The following APP variants were observed in gnomAD, a reference collection of about 807,000 sequenced individuals.
APP encodes amyloid-beta precursor protein.
Under a neutral mutation model 101.4 loss-of-function variants are expected in APP, and 31 were observed. The ratio of observed to expected loss-of-function variants is 0.31; its 90% CI spans 0.23 to 0.41. APP has a LOEUF of 0.41. APP is among the 10% of genes least tolerant of loss of function. APP has a pLI of 1.00. For missense variants in APP, 839 were observed against 1,003.7 expected, an observed-to-expected ratio of 0.84 and a Z score of 2.22; for synonymous variants, 366 against 364.4, an observed-to-expected ratio of 1.00 and a Z score of -0.05.
intron 1 of APP, among the ~76,000 whole-genome samples, chr21:26,138,296 A>G (rs1259479168): frequency 6.6e-5 from 10 of 152,104 alleles, no homozygotes; most frequent in Non-Finnish European, 1.0e-4. Context: ...ATTTAACATA[A>G]TAAGTTTTAA....
intron 6 of APP, among the ~76,000 whole-genome samples, chr21:26,012,846 A>C (rs950679077): frequency 6.6e-6 from 1 of 151,900 alleles, no homozygotes; most frequent in African/African-American, 2.4e-5. Flanking sequence ...GGTTGCACAC[A>C]CCTGTAGTCC....
chr21:26,118,263 A>C (rs2062481107), intron 1 of APP, among the ~76,000 whole-genome samples: 1 of 152,216 alleles, frequency 6.6e-6, no homozygotes, highest in South Asian at 2.1e-4. Flanking sequence ...GGACCCAGTA[A>C]GAGTGGCATC....
At chr21:25,938,812 T>C (rs1473579304) in intron 13 of APP, among the ~76,000 whole-genome samples, 1 of 152,120 alleles carries the variant, frequency 6.6e-6, no homozygotes, top group South Asian at 2.1e-4. Context: ...AGAAGTCACG[T>C]AGGGCAGTAT....
chr21:26,161,306 T>C (rs766351444), intron 1 of APP, among the ~76,000 whole-genome samples: 1 of 152,226 alleles, frequency 6.6e-6, no homozygotes, highest in Non-Finnish European at 1.5e-5. Flanking sequence ...CCCCCAGTTA[T>C]CTAAGTTTAC....
chr21:25,906,452 C>T (rs1792870701), intron 14 of APP, among the ~76,000 whole-genome samples: 2 of 152,202 alleles, frequency 1.3e-5, no homozygotes, highest in African/African-American at 4.8e-5. Flanking sequence ...TGGTGAGGAA[C>T]AAATAAGTAA....
chr21:26,018,711 T>A, intron 6 of APP, among the ~76,000 whole-genome samples: 1 of 152,216 alleles, frequency 6.6e-6, no homozygotes, highest in Non-Finnish European at 1.5e-5. Context: ...AAGATTCCTC[T>A]ATTTCTGGGG....
chr21:26,034,407 G>A (rs541512440), intron 5 of APP, among the ~76,000 whole-genome samples: 3 of 152,230 alleles, frequency 2.0e-5, no homozygotes, highest in Non-Finnish European at 2.9e-5. Flanking sequence ...CACTCTGGGA[G>A]GCTGAGGCGG....
At chr21:26,064,546 T>A (rs1467194987) in intron 3 of APP, among the ~76,000 whole-genome samples, 1 of 152,132 alleles carries the variant, frequency 6.6e-6, no homozygotes, top group Non-Finnish European at 1.5e-5. Context: ...TAGTGAACCG[T>A]ATGTCTCATA....
At chr21:26,095,177 C>T (rs1014284145) in intron 2 of APP, among the ~76,000 whole-genome samples, 1 of 152,132 alleles carries the variant, frequency 6.6e-6, no homozygotes, top group Non-Finnish European at 1.5e-5. Flanking sequence ...TAGGGTCATC[C>T]TATGTTGCCC....
intron 13 of APP, among the ~76,000 whole-genome samples, chr21:25,932,128 A>G (rs1323631427): frequency 1.3e-5 from 2 of 152,230 alleles, no homozygotes; most frequent in African/African-American, 2.4e-5. Context: ...TAGAGAGTGA[A>G]GCATTTTTTA....
chr21:26,036,727 G>T (rs1460862117), intron 5 of APP, among the ~76,000 whole-genome samples: 1 of 152,172 alleles, frequency 6.6e-6, no homozygotes, highest in African/African-American at 2.4e-5. Flanking sequence ...CAAATGGAAG[G>T]AAGGTAAAAA....
At chr21:25,955,494 G>T in intron 12 of APP, 133 bp downstream of exon 12, 1 of 1,287,818 alleles carries the variant, frequency 7.8e-7, no homozygotes, top group Non-Finnish European at 1.1e-6. Flanking sequence ...GAATTTACCA[G>T]AAGTTAAAGA....
intron 5 of APP, among the ~76,000 whole-genome samples, chr21:26,038,256 T>C (rs2045210959): frequency 7.1e-6 from 1 of 140,832 alleles, no homozygotes; most frequent in Admixed American, 6.9e-5. Flanking sequence ...TTCTCAACCT[T>C]ATCTAGGATA....
intron 2 of APP, among the ~76,000 whole-genome samples, chr21:26,093,467 A>C (rs889273393): frequency 2.0e-5 from 3 of 152,158 alleles, no homozygotes; most frequent in African/African-American, 7.2e-5. Flanking sequence ...AAAACCAACG[A>C]ATTGTTTGTA....
intron 13 of APP, among the ~76,000 whole-genome samples, chr21:25,918,405 G>A (rs541398023): frequency 6.1e-4 from 93 of 152,282 alleles, no homozygotes; most frequent in African/African-American, 1.7e-3. Context: ...GAACAGCTCC[G>A]GTCTACAGCT....
Position 25,897,350 on chromosome 21 carries a change from G to A in APP, c.2064+223C>T, listed in dbSNP as rs1009365913. On this transcript the variant is annotated intron_variant, in intron 16 of 17. Transcript: ENST00000346798. ...AGGCTGGTCTCGAATTTCTGACCTC[G>A]TGATCCACCCGCCTTGGCCTCCCAA... is the stretch of plus-strand genomic sequence containing the variant. Among the ~76,000 whole-genome samples the A allele has an allele frequency of 1.2e-4, 18 of 152,240 alleles. 1 individual carries two copies. Among genetic ancestry groups the A allele is most frequent in the South Asian group, 1.0e-3 (5 of 4,820 alleles).
chr21:26,077,152 A>G (rs2061513451), intron 3 of APP, among the ~76,000 whole-genome samples: 1 of 152,194 alleles, frequency 6.6e-6, no homozygotes, highest in South Asian at 2.1e-4. Context: ...TCTTCCTGCC[A>G]TCAAATATAG....
At chr21:26,091,184 A>G (rs2061815944) in intron 2 of APP, among the ~76,000 whole-genome samples, 2 of 152,214 alleles carry the variant, frequency 1.3e-5, no homozygotes, top group Non-Finnish European at 2.9e-5. Flanking sequence ...AAGCAAGGGA[A>G]TGATTAGAAT....
At chr21:26,160,753 A>G (rs572785320) in intron 1 of APP, among the ~76,000 whole-genome samples, 41 of 152,188 alleles carry the variant, frequency 2.7e-4, no homozygotes, top group Non-Finnish European at 5.3e-4. Flanking sequence ...AAACTCTACT[A>G]ACTTCTTCAC....
Sources: allele counts gnomAD v4.1 joint callset (sites outside exome capture counted in the v4.1 genomes callset), GRCh38; gene constraint gnomAD v4.1.1; transcripts MANE v1.5; gene names NCBI Gene and HGNC (gene_info 2026-07-23, HGNC 2026-07-21).